The following PPP2R2C variants were observed in gnomAD, a reference collection of about 807,000 sequenced individuals.
PPP2R2C encodes the protein protein phosphatase 2 regulatory subunit Bgamma.
A neutral mutation model predicts 45.3 loss-of-function variants in PPP2R2C; 10 were observed. The observed-to-expected ratio is 0.22, with a 90% CI of 0.14 to 0.37. The LOEUF is 0.37. Ranked by LOEUF, PPP2R2C falls within the 10% of genes least tolerant of loss-of-function variation. The pLI is 1.00. For missense variants in PPP2R2C, 308 were observed against 619.7 expected (o/e 0.50, Z 5.34); for synonymous variants, 257 against 245.4 (o/e 1.05, Z -0.44).
intron 1 of PPP2R2C, among the ~76,000 whole-genome samples, chr4:6,429,186 CTACCACCCCCTGTGGTA>C (rs1490775463): frequency 6.6e-6 from 1 of 152,186 alleles, no homozygotes; most frequent in African/African-American, 2.4e-5. Flanking sequence ...TGGGCTGTAG[CTACCACCCCCTGTGGTA>C]TACCATGTGA....
At chr4:6,443,987 GC>G (rs1720293318) in intron 1 of PPP2R2C, among the ~76,000 whole-genome samples, 1 of 152,192 alleles carries the variant, frequency 6.6e-6, no homozygotes, top group South Asian at 2.1e-4. Flanking sequence ...CTGCGAGAGA[GC>G]TTGGAAACCC....
At chr4:6,389,251 C>T (rs1577137684) in intron 1 of PPP2R2C, among the ~76,000 whole-genome samples, 1 of 152,176 alleles carries the variant, frequency 6.6e-6, no homozygotes, top group South Asian at 2.1e-4. Flanking sequence ...CTGGCCGAGG[C>T]CTGCAGACAG....
rs6446493 is a variant in PPP2R2C, at chr4:6,364,192, G to C, written c.625+8331C>G. On this transcript the variant is annotated intron_variant, in intron 5 of 8. Transcript: ENST00000382599. This position sits in a 1 kb window ranked among gnomAD's most constrained non-coding sequence, Gnocchi z 5.3. ...TAGTTCCGACAGACTGGTCAAGGAAGGCCTCTTTAAGAAGGTGTCCACTGA... is the reference window on the plus strand; with the variant it reads ...TAGTTCCGACAGACTGGTCAAGGAACGCCTCTTTAAGAAGGTGTCCACTGA... 0.9 allele frequency among the ~76,000 whole-genome samples: 136,539 copies of C among 152,238 alleles called. 62,099 individuals carry two copies. The highest frequency in any genetic ancestry group is 1 in the East Asian group (5,160 of 5,162).
chr4:6,370,686 G>A (rs1240381973), intron 5 of PPP2R2C, among the ~76,000 whole-genome samples: 1 of 152,196 alleles, frequency 6.6e-6, no homozygotes, highest in African/African-American at 2.4e-5. Flanking sequence ...AATCAGCCCA[G>A]AGAGCCATCA....
intron 6 of PPP2R2C, among the ~76,000 whole-genome samples, chr4:6,337,112 G>GTGTATATA (rs1202845732): frequency 1.3e-4 from 4 of 30,108 alleles, no homozygotes; most frequent in African/African-American, 4.1e-4. Context: ...ATGTGTGTGT[G>GTGTATATA]TATATATATA....
intron 1 of PPP2R2C, chr4:6,381,538 A>G (rs1430028202): frequency 7.2e-7 from 1 of 1,398,598 alleles, no homozygotes; most frequent in Non-Finnish European, 9.3e-7. Flanking sequence ...GCGCAAGGCA[A>G]CCCTCTGCTA....
chr4:6,361,454 T>C (rs1328995184), intron 5 of PPP2R2C, among the ~76,000 whole-genome samples: 1 of 152,260 alleles, frequency 6.6e-6, no homozygotes, highest in Non-Finnish European at 1.5e-5. Context: ...TCTTGAAAAC[T>C]CAGCCTTTCT....
chr4:6,365,141 T>C (rs1714172411), intron 5 of PPP2R2C, among the ~76,000 whole-genome samples: 1 of 152,212 alleles, frequency 6.6e-6, no homozygotes, highest in Non-Finnish European at 1.5e-5. Context: ...AGACCCTGTC[T>C]GCTTCCCTAG....
At chr4:6,437,101 T>A (rs1719931749) in intron 1 of PPP2R2C, among the ~76,000 whole-genome samples, 1 of 152,200 alleles carries the variant, frequency 6.6e-6, no homozygotes, top group South Asian at 2.1e-4. Context: ...TCCCCACCAC[T>A]CCCTGATGCA....
chr4:6,535,434 G>A (rs184425460), intron 1 of PPP2R2C: 15 of 1,160,092 alleles, frequency 1.3e-5, no homozygotes, highest in African/African-American at 4.6e-5. Flanking sequence ...GTGCATGCAC[G>A]CCGCCACACA....
intron 1 of PPP2R2C, among the ~76,000 whole-genome samples, chr4:6,430,686 G>A (rs1201191978): frequency 6.6e-6 from 1 of 152,208 alleles, no homozygotes; most frequent in East Asian, 1.9e-4. Context: ...GCACTTTGGG[G>A]GGCCAAGGCG....
chr4:6,536,995 G>A (rs1456341803), intron 1 of PPP2R2C, among the ~76,000 whole-genome samples: 1 of 152,162 alleles, frequency 6.6e-6, no homozygotes, highest in Non-Finnish European at 1.5e-5. Flanking sequence ...CTGAAGTCAG[G>A]AGTTCGAGAC....
chr4:6,519,999 G>A (rs528675202), intron 2 of PPP2R2C, among the ~76,000 whole-genome samples: 16 of 152,308 alleles, frequency 1.1e-4, no homozygotes, highest in Non-Finnish European at 1.8e-4. Context: ...TGAAATGAGG[G>A]CATGATACCC....
rs1733360172 is a variant in PPP2R2C at position 6,340,496 on chromosome 4, G to T, written c.791-6765C>A. On this transcript the variant is annotated intron_variant, in intron 6 of 8. Transcript: ENST00000382599. Reference sequence around the variant, plus strand: ...AAAGCTCCACACAGACGGGAGCCTGGTCTCTGTACAGAGCCTGAAGCCATC... The same window carrying T: ...AAAGCTCCACACAGACGGGAGCCTGTTCTCTGTACAGAGCCTGAAGCCATC... Among the ~76,000 whole-genome samples, 6 of 152,136 alleles carry T rather than the reference G, an allele frequency of 3.9e-5. No homozygotes were observed. The South Asian group carries it at 1.0e-3, about 26-fold the overall frequency.
In PPP2R2C at chr4:6,323,085, A is replaced by C; in HGVS notation, c.*217T>G. The stretch of plus-strand genomic sequence containing the variant: ...GCGGTGAACGCTTCCTTTCCTTTTT[A>C]TTTTTTTAAACAGACAATTACTGCC... On this transcript the variant is annotated 3_prime_UTR_variant, in exon 9 of 9. Transcript: ENST00000382599. 2 of 482,340 alleles carry C rather than the reference A, an allele frequency of 4.1e-6. No individual in the cohort carries two copies. The allele number at this position is 482,340 out of a possible 1,614,324, so 29.9% of individuals were successfully genotyped here. A position where few individuals can be genotyped will look rare whatever the true frequency, so the allele number is the denominator to read the frequency against.
intron 1 of PPP2R2C, among the ~76,000 whole-genome samples, chr4:6,559,910 G>C (rs895873859): frequency 7.9e-5 from 12 of 152,234 alleles, no homozygotes; most frequent in African/African-American, 2.9e-4. Flanking sequence ...GACTAAGACA[G>C]CTCCCTTCCT....
At chr4:6,522,300 G>C (rs1724052429) in intron 2 of PPP2R2C, among the ~76,000 whole-genome samples, 1 of 152,226 alleles carries the variant, frequency 6.6e-6, no homozygotes, top group Non-Finnish European at 1.5e-5. Context: ...TCATTCAGTA[G>C]TTGTTCAAAT....
At chr4:6,405,162 C>T (rs1024892144) in intron 1 of PPP2R2C, among the ~76,000 whole-genome samples, 1 of 152,214 alleles carries the variant, frequency 6.6e-6, no homozygotes, top group Non-Finnish European at 1.5e-5. Context: ...TCACAGCCCC[C>T]CTGGAAGGTA....
At chr4:6,385,119 C>A (rs903775157) in intron 1 of PPP2R2C, among the ~76,000 whole-genome samples, 1 of 152,168 alleles carries the variant, frequency 6.6e-6, no homozygotes, top group Non-Finnish European at 1.5e-5. Flanking sequence ...CTGGCTGCCA[C>A]AGAATTGACA....
Sources: allele counts gnomAD v4.1 joint callset (sites outside exome capture counted in the v4.1 genomes callset), GRCh38; gene constraint gnomAD v4.1.1; non-coding constraint Gnocchi (gnomAD v3.1); transcripts MANE v1.5; gene names NCBI Gene and HGNC (gene_info 2026-07-23, HGNC 2026-07-21).